The following SCYL1 variants were observed in gnomAD, a reference collection of about 807,000 sequenced individuals.
SCYL1 encodes SCY1 like pseudokinase 1, also known as N-terminal kinase-like protein.
A neutral mutation model predicts 94.8 loss-of-function variants in SCYL1; 85 were observed. The ratio of observed to expected loss-of-function variants is 0.90; its 90% CI spans 0.75 to 1.07. The LOEUF (loss-of-function observed/expected upper bound fraction) is 1.07, where lower values mean the gene tolerates loss of function less well. Among genes scored for constraint, SCYL1 ranks in the 50% least tolerant of loss-of-function variants. The pLI is 0.00. For synonymous variants in SCYL1, 459 were observed against 435.5 expected (o/e 1.05, Z -0.67); for missense variants, 968 against 1,083.3 (o/e 0.89, Z 1.49).
At chr11:65,536,911 G>A in intron 13 of SCYL1, 75 bp from the exon 14 acceptor site, 2 of 1,186,334 alleles carry the variant, frequency 1.7e-6, no homozygotes, top group Non-Finnish European at 2.5e-6. Flanking sequence ...CTTCCCCCCA[G>A]TAGCCCCCTT....
At chr11:65,531,456 GCCCCCCC>G (rs896574076) in intron 7 of SCYL1, 113 bp from the exon 8 acceptor site, 6 of 718,972 alleles carry the variant, frequency 8.3e-6, no homozygotes, top group Admixed American at 4.2e-5. Context: ...GGAAATGCCT[GCCCCCCC>G]CTCCGCCATC....
At chr11:65,528,357 G>C in intron 6 of SCYL1, among the ~76,000 whole-genome samples, 1 of 152,234 alleles carries the variant, frequency 6.6e-6, no homozygotes, top group Non-Finnish European at 1.5e-5. Context: ...CAGGAAAATC[G>C]CTTGAACCTG....
intron 12 of SCYL1, 43 bp downstream of exon 12, chr11:65,536,377 C>T (rs773421181): frequency 1.9e-6 from 3 of 1,597,592 alleles, no homozygotes; most frequent in Non-Finnish European, 2.6e-6. Flanking sequence ...CTGCCATGTC[C>T]TTGACTGTGA....
chr11:65,529,778 C>A lies in SCYL1; in HGVS notation c.850-851C>A, dbSNP rs140426237. Among the ~76,000 whole-genome samples, 420 of 152,280 alleles carry A rather than the reference C, an allele frequency of 2.8e-3. 1 individual carries two copies. Among genetic ancestry groups the A allele is most frequent in the Non-Finnish European group, 4.2e-3 (287 of 68,028 alleles). On this transcript the variant is annotated intron_variant, in intron 6 of 17. Coordinates refer to ENST00000270176, the MANE Select transcript of SCYL1 (RefSeq NM_020680.4). ...TTGTGAATGGGGGGAGTGACAGCAT[C>A]TTTTGAAGGGTACAGCACAGGAGAG... is the stretch of plus-strand genomic sequence containing the variant.
chr11:65,525,538 T>C, intron 1 of SCYL1, 36 bp from the exon 2 acceptor site: 1 of 1,604,306 alleles, frequency 6.2e-7, no homozygotes, highest in Non-Finnish European at 8.5e-7. Context: ...ACACAACAGC[T>C]CTGGGACCAT....
rs1001858477 is a variant in SCYL1, at chr11:65,533,192, C to T, written c.1230+387C>T. 19 of 211,750 alleles carry T rather than the reference C, an allele frequency of 9.0e-5. No individual in the cohort carries two copies. In the East Asian group the frequency reaches 2.2e-3, roughly 24 times the overall value. 13.1% of individuals were successfully genotyped at this position (211,750 alleles called of 1,614,324 possible). ...ATCCCTGCACTTTGGGAGGCTGAGG[C>T]AAGCGGATCACCTGAGGTCAGGAGT... On this transcript the variant is annotated intron_variant, in intron 9 of 17. Coordinates refer to ENST00000270176, the MANE Select transcript of SCYL1 (RefSeq NM_020680.4).
chr11:65,531,786 C>G, intron 8 of SCYL1, 103 bp downstream of exon 8: 1 of 791,122 alleles, frequency 1.3e-6, no homozygotes, highest in Non-Finnish European at 2.2e-6. Flanking sequence ...AAACCCCACC[C>G]CTGAACATAC....
Position 65,537,661 on chromosome 11 carries a change from C to A in SCYL1, c.1960-148C>A, listed in dbSNP as rs1855748794. On this transcript the variant is annotated intron_variant, in intron 14 of 17. Transcript: ENST00000270176. ...GTGAGGGCAGGCCAGGGTCAGCGTCCATTTAATAGATGGGAAACAGGGCCT... is the reference window on the plus strand; with the variant it reads ...GTGAGGGCAGGCCAGGGTCAGCGTCAATTTAATAGATGGGAAACAGGGCCT... The A allele has an allele frequency of 1.2e-5, 8 of 661,374 alleles. No individual in the cohort carries two copies. The East Asian group carries it at 2.2e-4, about 18-fold the overall frequency. 41.0% of individuals were successfully genotyped at this position (661,374 alleles called of 1,614,324 possible).
intron 6 of SCYL1, among the ~76,000 whole-genome samples, chr11:65,529,866 C>T (rs1419559981): frequency 1.3e-5 from 2 of 152,182 alleles, no homozygotes; most frequent in African/African-American, 4.8e-5. Flanking sequence ...TTTGGACAAG[C>T]TCCTTGCCCT....
chr11:65,530,145 A>G (rs1016245792), intron 6 of SCYL1, among the ~76,000 whole-genome samples: 3 of 152,144 alleles, frequency 2.0e-5, no homozygotes, highest in African/African-American at 7.2e-5. Context: ...ACGGCCTACC[A>G]GGAACTTCCT....
rs1590740858 is a variant in SCYL1 at position 65,536,099 on chromosome 11, C to CT, written c.1534dup (p.Cys512LeufsTer8). On this transcript the variant is annotated frameshift_variant, in exon 11 of 18. Coordinates refer to ENST00000270176, the MANE Select transcript of SCYL1 (RefSeq NM_020680.4). LOFTEE classifies it high-confidence loss of function. Reference sequence around the variant, plus strand: ...GTGCCCAGAAGATCCTGCCTGTGCTCTGCGGTCTCACTGTAGATCCTGAGA... The same window carrying CT: ...GTGCCCAGAAGATCCTGCCTGTGCTCTTGCGGTCTCACTGTAGATCCTGAGA... 1.2e-6 allele frequency: 2 copies of CT among 1,614,160 alleles called. No homozygotes were observed. Among genetic ancestry groups the CT allele is most frequent in the Non-Finnish European group, 1.7e-6 (2 of 1,179,988 alleles).
chr11:65,535,098 C>A lies in SCYL1; in HGVS notation c.1231-129C>A, dbSNP rs1173207742. The A allele has an allele frequency of 2.5e-6, 3 of 1,193,566 alleles. No individual in the cohort carries two copies. In the African/African-American group the frequency reaches 4.6e-5, roughly 18 times the overall value. 73.9% of individuals were successfully genotyped at this position (1,193,566 alleles called of 1,614,324 possible). A position where few individuals can be genotyped will look rare whatever the true frequency, so the allele number is the denominator to read the frequency against. ...CTTCAACATGCTGGACAGGGCCAGG[C>A]CCAGGCTGGGAGGTGGCCTTGCAGG... is the stretch of plus-strand genomic sequence containing the variant. On this transcript the variant is annotated intron_variant, in intron 9 of 17. Coordinates refer to ENST00000270176, the MANE Select transcript of SCYL1 (RefSeq NM_020680.4).
chr11:65,533,159 C>A, intron 9 of SCYL1: 1 of 250,910 alleles, frequency 4.0e-6, no homozygotes. Context: ...CGGTGGCTCA[C>A]GCCCATAATC....
At position 65,537,034 on chromosome 11, in the gene SCYL1, C is replaced by T. The variant is rs762912713; in HGVS notation, c.1865C>T (p.Ser622Leu). Residue 622 changes from serine to leucine, a missense_variant, in exon 14 of 18, where the codon TCA (serine) becomes TTA (leucine). Transcript: ENST00000270176. ...PTPVPATPTT[S>L]GHWETQEEDK... is the part of the protein sequence containing the mutation. ...CCTGTTCCTGCCACCCCTACAACCT[C>T]AGGCCACTGGGAGACGCAGGAGGAG... The T allele has an allele frequency of 2.5e-6, 4 of 1,613,414 alleles. No homozygotes were observed. Among genetic ancestry groups the T allele is most frequent in the Non-Finnish European group, 3.4e-6 (4 of 1,179,352 alleles).
Position 65,526,324 on chromosome 11 carries a change from C to T in SCYL1, c.576C>T (p.Ser192=), listed in dbSNP as rs1855076952. The change falls in exon 4 of 18, where the codon AGC becomes AGT. Residue 192 remains serine, a synonymous_variant. Transcript: ENST00000270176. The surrounding 1 kb of genome is among the most constrained non-coding windows in gnomAD (Gnocchi z 4.1). ...EQYDPPELAD[S]SGRVVREKWS... The stretch of plus-strand genomic sequence containing the variant: ...ATGACCCCCCGGAGTTGGCTGACAG[C>T]AGTGGCAGAGTGGTCAGAGAGAAGT... 1.9e-6 allele frequency: 3 copies of T among 1,606,568 alleles called. No homozygotes were observed. Among genetic ancestry groups the T allele is most frequent in the East Asian group, 2.2e-5 (1 of 44,694 alleles).
intron 17 of SCYL1, 52 bp from the exon 18 acceptor site, chr11:65,538,390 C>T (rs1212797833): frequency 1.6e-5 from 24 of 1,539,132 alleles, no homozygotes; most frequent in Middle Eastern, 1.7e-4. Context: ...TACAGGCCCC[C>T]GGCAGGCACT....
At chr11:65,534,088 G>A (rs565812920) in intron 9 of SCYL1, among the ~76,000 whole-genome samples, 46 of 151,978 alleles carry the variant, frequency 3.0e-4, no homozygotes, top group Admixed American at 2.8e-3. Context: ...CAATCTAGCC[G>A]GGCATGGTGG....
chr11:65,535,070 T>G, intron 9 of SCYL1, 157 bp from the exon 10 acceptor site: 4 of 882,602 alleles, frequency 4.5e-6, no homozygotes, highest in South Asian at 1.8e-5. Context: ...ATGGGGTCCC[T>G]TTCTTCAACA....
intron 8 of SCYL1, 81 bp from the exon 9 acceptor site, chr11:65,532,611 C>A: frequency 2.5e-6 from 3 of 1,181,476 alleles, no homozygotes; most frequent in East Asian, 2.5e-5. Flanking sequence ...GGTGGAAAAG[C>A]TAAGCCAGGA....
Sources: gnomAD v4.1 joint callset for allele counts (sites outside exome capture counted in the v4.1 genomes callset) on GRCh38, gnomAD v4.1.1 for gene constraint, Gnocchi (gnomAD v3.1) non-coding constraint, MANE v1.5 for transcripts, NCBI Gene and HGNC (gene_info 2026-07-23, HGNC 2026-07-21) for gene names.